MIB1: variants seen among roughly 807,000 people sequenced by gnomAD.
MIB1 encodes MIB E3 ubiquitin protein ligase 1, also known as E3 ubiquitin-protein ligase MIB1.
MIB1 carries 278 observed loss-of-function variants against 124.5 expected under a neutral mutation model. The ratio of observed to expected loss-of-function variants is 2.23; its 90% CI spans 2.02 to 2.47. The LOEUF (loss-of-function observed/expected upper bound fraction) is 2.47. MIB1 is among the 30% of genes most tolerant of loss of function. The pLI is 0.00. For missense variants in MIB1, 957 were observed against 1,254.4 expected (o/e 0.76, Z 3.58); for synonymous variants, 446 against 429.4 (o/e 1.04, Z -0.48).
In MIB1 at chr18:21,866,402, C is replaced by T. The variant is rs1013558378; in HGVS notation, c.*1736C>T. 1 of 152,158 alleles carries T rather than the reference C, an allele frequency of 6.6e-6. No individual in the cohort carries two copies. The highest frequency in any genetic ancestry group is 6.5e-5 in the Admixed American group (1 of 15,274). The allele number at this position is 152,158 out of a possible 1,614,324, so 9.4% of individuals were successfully genotyped here. A position where few individuals can be genotyped will look rare whatever the true frequency, so the allele number is the denominator to read the frequency against. ...CAGTTATCTAATAAGGGGCCACCGA[C>T]GCTGTTTTTAAAACTATTTTGAAGT... is the stretch of plus-strand genomic sequence containing the variant. On this transcript the variant is annotated 3_prime_UTR_variant, in exon 21 of 21. Coordinates refer to ENST00000261537, the MANE Select transcript of MIB1 (RefSeq NM_020774.4).
At chr18:21,818,216 C>T (rs555231522) in intron 11 of MIB1, among the ~76,000 whole-genome samples, 3 of 152,284 alleles carry the variant, frequency 2.0e-5, no homozygotes, top group African/African-American at 7.2e-5. Flanking sequence ...TCACTCTCAC[C>T]TCTAGAGATT....
chr18:21,796,706 G>A (rs968238951), intron 7 of MIB1, among the ~76,000 whole-genome samples: 4 of 152,140 alleles, frequency 2.6e-5, no homozygotes, highest in Non-Finnish European at 5.9e-5. Context: ...TCAATAAAGA[G>A]CCAAGGCTTT....
At chr18:21,762,844 G>C (rs1448932526) in intron 1 of MIB1, among the ~76,000 whole-genome samples, 1 of 151,960 alleles carries the variant, frequency 6.6e-6, no homozygotes, top group East Asian at 1.9e-4. Flanking sequence ...CCCATATACA[G>C]TCTCTGAAAA....
At chr18:21,745,139 TAGC>T (rs2040897508) in intron 1 of MIB1, among the ~76,000 whole-genome samples, 1 of 152,240 alleles carries the variant, frequency 6.6e-6, no homozygotes, top group South Asian at 2.1e-4. Context: ...AAATGTACCT[TAGC>T]AGGAGACTGG....
intron 1 of MIB1, among the ~76,000 whole-genome samples, chr18:21,749,370 A>G (rs992425207): frequency 2.1e-4 from 32 of 152,290 alleles, no homozygotes; most frequent in African/African-American, 7.7e-4. Flanking sequence ...TAAAAAATAT[A>G]TTACTTAACT....
chr18:21,724,634 G>A (rs1484865244), intron 1 of MIB1, among the ~76,000 whole-genome samples: 1 of 146,964 alleles, frequency 6.8e-6, no homozygotes, highest in Non-Finnish European at 1.5e-5. Context: ...GAACTGTGGG[G>A]GCGGAGGTTG....
chr18:21,788,290 A>G (rs970801788), intron 6 of MIB1, among the ~76,000 whole-genome samples: 1 of 152,238 alleles, frequency 6.6e-6, no homozygotes, highest in Non-Finnish European at 1.5e-5. Context: ...GTGATATTAT[A>G]TAGAATAAGA....
intron 18 of MIB1, chr18:21,854,631 G>C: frequency 8.6e-6 from 1 of 116,580 alleles, no homozygotes; most frequent in Non-Finnish European, 1.7e-5. Context: ...AATTAAAAAA[G>C]CTTCAGCTTT....
intron 1 of MIB1, among the ~76,000 whole-genome samples, chr18:21,707,003 C>T (rs1272560503): frequency 5.3e-5 from 8 of 152,146 alleles, no homozygotes; most frequent in Admixed American, 4.6e-4. Flanking sequence ...CTTGGAGAAC[C>T]TTTATGTCTA....
chr18:21,803,627 C>T (rs550208173), intron 9 of MIB1: 1 of 244,090 alleles, frequency 4.1e-6, no homozygotes, highest in East Asian at 7.8e-5. Flanking sequence ...ACCAACTTAA[C>T]TTACTTCCTT....
At chr18:21,770,158 T>A (rs2041208981) in intron 3 of MIB1, among the ~76,000 whole-genome samples, 5 of 152,178 alleles carry the variant, frequency 3.3e-5, no homozygotes, top group Non-Finnish European at 7.3e-5. Context: ...GAGCCAAGAT[T>A]GTGCCACTGC....
chr18:21,720,816 A>G (rs1184040930), intron 1 of MIB1, among the ~76,000 whole-genome samples: 1 of 152,126 alleles, frequency 6.6e-6, no homozygotes, highest in Admixed American at 6.6e-5. Flanking sequence ...TTAGCCAGGC[A>G]TGGTGGTGTG....
chr18:21,791,459 C>T lies in MIB1; in HGVS notation c.994C>T (p.Gln332Ter). The T allele has an allele frequency of 6.2e-7, 1 of 1,614,034 alleles. No homozygotes were observed. Among genetic ancestry groups the T allele is most frequent in the Non-Finnish European group, 8.5e-7 (1 of 1,179,950 alleles). ...AAQGAEGGTS[Q>*]FQVGDLVQVC... is the part of the protein sequence containing the mutation. Reference sequence around the variant, plus strand: ...TCAGGGTGCAGAAGGAGGCACCTCGCAGTTTCAAGTGGGTGATCTTGTACA... The same window carrying T: ...TCAGGGTGCAGAAGGAGGCACCTCGTAGTTTCAAGTGGGTGATCTTGTACA... The change falls in exon 7 of 21, where the codon CAG becomes TAG. Residue 332 changes from glutamine to a stop codon, truncating the protein, a stop_gained. Transcript: ENST00000261537. LOFTEE classifies it high-confidence loss of function.
rs73961203 is a variant in MIB1 at position 21,862,825 on chromosome 18, C to T, written c.2881-1701C>T. On this transcript the variant is annotated intron_variant, in intron 20 of 20. Coordinates refer to ENST00000261537, the MANE Select transcript of MIB1 (RefSeq NM_020774.4). ...GCCTGACAAGTGTTCTCAGCTACTTCTCAGCACTGCTCCCCACCCTGCACC... is the reference window on the plus strand; with the variant it reads ...GCCTGACAAGTGTTCTCAGCTACTTTTCAGCACTGCTCCCCACCCTGCACC... Among the ~76,000 whole-genome samples the T allele has an allele frequency of 8.9e-3, 1,349 of 152,310 alleles. 21 individuals carry two copies. Among genetic ancestry groups the T allele is most frequent in the African/African-American group, 0.03 (1,261 of 41,562 alleles).
At chr18:21,778,022 A>G (rs1935321815) in intron 4 of MIB1, 81 bp from the exon 5 acceptor site, 3 of 944,122 alleles carry the variant, frequency 3.2e-6, no homozygotes, top group Non-Finnish European at 5.2e-6. Flanking sequence ...GTATGTTCTG[A>G]ATGAATATTC....
At chr18:21,828,702 C>T (rs552756196) in intron 12 of MIB1, 4 of 192,244 alleles carry the variant, frequency 2.1e-5, no homozygotes, top group Non-Finnish European at 3.2e-5. Context: ...CTTTTGCAGT[C>T]AAATTTTAAT....
At chr18:21,823,757 T>C (rs2041900277) in intron 12 of MIB1, among the ~76,000 whole-genome samples, 1 of 151,972 alleles carries the variant, frequency 6.6e-6, no homozygotes, top group South Asian at 2.1e-4. Flanking sequence ...TAATACAGTT[T>C]TGTTTTTTTT....
intron 6 of MIB1, among the ~76,000 whole-genome samples, chr18:21,783,520 G>A (rs1344964380): frequency 6.6e-6 from 1 of 152,064 alleles, no homozygotes; most frequent in East Asian, 1.9e-4. Flanking sequence ...TGGGATTACA[G>A]GTGTGAGCCG....
chr18:21,854,670 G>T, intron 18 of MIB1: 1 of 184,860 alleles, frequency 5.4e-6, no homozygotes, highest in Non-Finnish European at 1.1e-5. Context: ...CTGGGCTTGT[G>T]CCTTCAACAT....
Sources: allele counts gnomAD v4.1 joint callset (sites outside exome capture counted in the v4.1 genomes callset), GRCh38; gene constraint gnomAD v4.1.1; transcripts MANE v1.5; gene names NCBI Gene and HGNC (gene_info 2026-07-23, HGNC 2026-07-21).